GSK3A: variants seen among roughly 807,000 people sequenced by gnomAD.
GSK3A encodes glycogen synthase kinase-3 alpha.
Under a neutral mutation model 56.6 loss-of-function variants are expected in GSK3A, and 14 were observed. The ratio of observed to expected loss-of-function variants is 0.25; its 90% CI spans 0.16 to 0.39. The LOEUF (loss-of-function observed/expected upper bound fraction) is 0.39, where lower values mean the gene tolerates loss of function less well. Ranked by LOEUF, GSK3A falls within the 10% of genes least tolerant of loss-of-function variation. GSK3A has a pLI of 1.00. For missense variants in GSK3A, 450 were observed against 656.0 expected (o/e 0.69, Z 3.43); for synonymous variants, 301 against 285.0 (o/e 1.06, Z -0.56).
At chr19:42,231,784 A>C (rs370919368) in intron 10 of GSK3A, among the ~76,000 whole-genome samples, 3 of 152,286 alleles carry the variant, frequency 2.0e-5, no homozygotes, top group East Asian at 3.9e-4. Context: ...AAAAAAAAAA[A>C]AAACAAACTT....
chr19:42,236,246 G>C (rs558964057), intron 4 of GSK3A, among the ~76,000 whole-genome samples: 1 of 152,050 alleles, frequency 6.6e-6, no homozygotes, highest in African/African-American at 2.4e-5. Flanking sequence ...CTAAAGGCCC[G>C]AACTCTGGCC....
chr19:42,241,934 T>C (rs977108164), intron 1 of GSK3A: 4 of 378,860 alleles, frequency 1.1e-5, no homozygotes, highest in African/African-American at 8.3e-5. Context: ...AAGACCTCAA[T>C]AATGGAAGAA....
chr19:42,235,956 C>T (rs536878049), intron 4 of GSK3A, among the ~76,000 whole-genome samples: 1 of 152,330 alleles, frequency 6.6e-6, no homozygotes, highest in East Asian at 1.9e-4. Context: ...GTAAAGCCAG[C>T]AGGAGCAGCA....
In GSK3A at chr19:42,242,520, C is replaced by T; in HGVS notation, c.-55G>A. On this transcript the variant is annotated 5_prime_UTR_variant, in exon 1 of 11. Transcript: ENST00000222330. ...CTCGGGCTGCCCGGGCTGCCCCAGCCGCCGCCGCTGCCGCCGCCTCCCCCG... is the reference window on the plus strand; with the variant it reads ...CTCGGGCTGCCCGGGCTGCCCCAGCTGCCGCCGCTGCCGCCGCCTCCCCCG... 2 of 1,029,192 alleles carry T rather than the reference C, an allele frequency of 1.9e-6. No individual in the cohort carries two copies. Among genetic ancestry groups the T allele is most frequent in the Non-Finnish European group, 2.3e-6 (2 of 857,586 alleles). The allele number at this position is 1,029,192 out of a possible 1,614,324, so 63.8% of individuals were successfully genotyped here.
At chr19:42,238,946 G>A (rs1242533754) in intron 2 of GSK3A, among the ~76,000 whole-genome samples, 1 of 152,016 alleles carries the variant, frequency 6.6e-6, no homozygotes, top group Non-Finnish European at 1.5e-5. Flanking sequence ...TCCAGCCTGG[G>A]TGACAGAGTA....
rs911069518 is a variant in GSK3A at position 42,232,518 on chromosome 19, A to G, written c.1263T>C (p.Pro421=). The change falls in exon 9 of 11, where the codon CCT becomes CCC. Residue 421 remains proline (P), a synonymous_variant. Transcript: ENST00000222330. The part of the protein sequence containing the change: ...TQLPNNRPLP[P]LFNFSAGELS... ...CACCACCAGCACTGAAGTTGAAGAGAGGGGGAAGTGGGCGGTTGTTAGGCA... is the reference window on the plus strand; with the variant it reads ...CACCACCAGCACTGAAGTTGAAGAGGGGGGGAAGTGGGCGGTTGTTAGGCA... 2 of 1,613,974 alleles carry G rather than the reference A, an allele frequency of 1.2e-6. No homozygotes were observed. The highest frequency in any genetic ancestry group is 2.2e-5 in the South Asian group (2 of 91,072).
chr19:42,236,983 T>G, intron 2 of GSK3A, 42 bp from the exon 3 acceptor site: 1 of 1,357,942 alleles, frequency 7.4e-7, no homozygotes. Flanking sequence ...ACCAACTCTC[T>G]CGGCTGCTCC....
intron 10 of GSK3A, 147 bp from the exon 11 acceptor site, chr19:42,231,014 C>CTAAA: frequency 1.5e-6 from 1 of 677,400 alleles, no homozygotes; most frequent in Middle Eastern, 2.5e-4. Context: ...AACTCAAGTG[C>CTAAA]TAAAGGGCCA....
intron 2 of GSK3A, 117 bp downstream of exon 2, chr19:42,239,838 C>T (rs1257213197): frequency 6.5e-6 from 5 of 767,762 alleles, no homozygotes; most frequent in Middle Eastern, 3.5e-4. Context: ...TTCCTCTTTT[C>T]CCCCTTCTCT....
At position 42,240,170 on chromosome 19, in the gene GSK3A, A is replaced by G. The variant is rs774939447; in HGVS notation, c.284-28T>C. On this transcript the variant is annotated intron_variant, in intron 1 of 10. Coordinates refer to ENST00000222330, the MANE Select transcript of GSK3A (RefSeq NM_019884.3). ...GGGGAACAAAGGGGATACACGATCC[A>G]CTGACCCATCCTGCCTGCGCATCAC... is the stretch of plus-strand genomic sequence containing the variant. 2.5e-6 allele frequency: 4 copies of G among 1,603,656 alleles called. No individual in the cohort carries two copies. The Admixed American group carries it at 6.7e-5, about 27-fold the overall frequency.
rs2146941559 is a variant in GSK3A at position 42,242,581 on chromosome 19, T to G, written c.-116A>C. 1 of 898,912 alleles carries G rather than the reference T, an allele frequency of 1.1e-6. No individual in the cohort carries two copies. Among genetic ancestry groups the G allele is most frequent in the East Asian group, 7.7e-5 (1 of 12,920 alleles). 55.7% of individuals were successfully genotyped at this position (898,912 alleles called of 1,614,324 possible). ...TCTTCCAGGCCGCGCCGCTCTGGCT[T>G]GGGCTCCGGCTCCGGCCCAGCGCCC... is the stretch of plus-strand genomic sequence containing the variant. On this transcript the variant is annotated 5_prime_UTR_variant, in exon 1 of 11. Coordinates refer to ENST00000222330, the MANE Select transcript of GSK3A (RefSeq NM_019884.3).
rs202049831 is a variant in GSK3A at position 42,236,756 on chromosome 19, G to A, written c.556-40C>T. The A allele has an allele frequency of 1.6e-3, 2,501 of 1,534,150 alleles. 5 individuals carry two copies. Among genetic ancestry groups the A allele is most frequent in the Non-Finnish European group, 2.2e-3 (2,397 of 1,106,872 alleles). Reference sequence around the variant, plus strand: ...GGAGAGGTGTGAGGCACTGTGAGAAGAGTGAGGAGGGGGAAGGAAGGTATG... The same window carrying A: ...GGAGAGGTGTGAGGCACTGTGAGAAAAGTGAGGAGGGGGAAGGAAGGTATG... On this transcript the variant is annotated intron_variant, in intron 3 of 10. Transcript: ENST00000222330.
chr19:42,234,715 C>G lies in GSK3A; in HGVS notation c.667-37G>C, dbSNP rs1276677358. ...ACAGGATAGCAGAACTTTAGCCCAG[C>G]TTTCCCCATACAGCACCACTACCCC... On this transcript the variant is annotated intron_variant, in intron 4 of 10. Transcript: ENST00000222330. The surrounding 1 kb of genome is among the most constrained non-coding windows in gnomAD (Gnocchi z 5.7). The G allele has an allele frequency of 1.3e-5, 20 of 1,512,312 alleles. No individual in the cohort carries two copies. The highest frequency in any genetic ancestry group is 1.8e-5 in the Non-Finnish European group (20 of 1,124,134). The allele number at this position is 1,512,312 out of a possible 1,614,324, so 93.7% of individuals were successfully genotyped here.
In GSK3A at chr19:42,232,461, C is replaced by T. The variant is rs753954266; in HGVS notation, c.1285+35G>A. On this transcript the variant is annotated intron_variant, in intron 9 of 10. Transcript: ENST00000222330. ...ACAATCTTTGGCTGCCCCCCTACCC[C>T]GCCCCACTCCCCAGATCCCAGGCTA... The T allele has an allele frequency of 1.5e-5, 24 of 1,600,122 alleles. No individual in the cohort carries two copies. The East Asian group carries it at 1.6e-4, about 10-fold the overall frequency.
At chr19:42,233,785 C>T (rs2036240040) in intron 6 of GSK3A, among the ~76,000 whole-genome samples, 1 of 152,172 alleles carries the variant, frequency 6.6e-6, no homozygotes, top group Non-Finnish European at 1.5e-5. Context: ...AGAGCTGCAG[C>T]GTGGCAGTCT....
In GSK3A at chr19:42,234,270, C is replaced by T; in HGVS notation, c.904+83G>A. 1.1e-6 allele frequency: 1 copy of T among 951,998 alleles called. No individual in the cohort carries two copies. The highest frequency in any genetic ancestry group is 1.7e-6 in the Non-Finnish European group (1 of 579,684). 59.0% of individuals were successfully genotyped at this position (951,998 alleles called of 1,614,324 possible). ...ACAAGAACAGAAGTTAAGCTTTCATCACCAAGCTTGGCATACAGCACACAG... is the reference window on the plus strand; with the variant it reads ...ACAAGAACAGAAGTTAAGCTTTCATTACCAAGCTTGGCATACAGCACACAG... On this transcript the variant is annotated intron_variant, in intron 6 of 10. Coordinates refer to ENST00000222330, the MANE Select transcript of GSK3A (RefSeq NM_019884.3). The surrounding 1 kb of genome is among the most constrained non-coding windows in gnomAD (Gnocchi z 5.7).
chr19:42,232,548 G>A lies in GSK3A; in HGVS notation c.1233C>T (p.Thr411=), dbSNP rs1428864944. 6.2e-7 allele frequency: 1 copy of A among 1,614,130 alleles called. No individual in the cohort carries two copies. The highest frequency in any genetic ancestry group is 8.5e-7 in the Non-Finnish European group (1 of 1,180,022). ...SFFDELRCLG[T]QLPNNRPLPP... is the part of the protein sequence containing the mutation. ...GAAGTGGGCGGTTGTTAGGCAGCTG[G>A]GTTCCCAGACATCGCAGTTCATCAA... Residue 411 remains threonine, a synonymous_variant, in exon 9 of 11, where the codon ACC becomes ACT. Coordinates refer to ENST00000222330, the MANE Select transcript of GSK3A (RefSeq NM_019884.3).
Position 42,233,860 on chromosome 19 carries a change from C to T in GSK3A, c.905-477G>A, listed in dbSNP as rs545262097. On this transcript the variant is annotated intron_variant, in intron 6 of 10. Transcript: ENST00000222330. ...GTTCATACCTAAGGACTCCACAGTT[C>T]GTCATGCTGCTGTGGAAGGTGCCCT... 5.9e-5 allele frequency among the ~76,000 whole-genome samples: 9 copies of T among 152,262 alleles called. No homozygotes were observed. The South Asian group carries it at 1.2e-3, about 21-fold the overall frequency.
chr19:42,238,497 C>T (rs2036271746), intron 2 of GSK3A, among the ~76,000 whole-genome samples: 1 of 149,194 alleles, frequency 6.7e-6, no homozygotes, highest in Non-Finnish European at 1.5e-5. Flanking sequence ...GTCCCAGCTA[C>T]TAGGGAGGCT....
Sources: gnomAD v4.1 joint callset for allele counts (sites outside exome capture counted in the v4.1 genomes callset) on GRCh38, gnomAD v4.1.1 for gene constraint, Gnocchi (gnomAD v3.1) non-coding constraint, MANE v1.5 for transcripts, NCBI Gene and HGNC (gene_info 2026-07-23, HGNC 2026-07-21) for gene names.